Variants in MAP3K6 observed in about 807,000 individuals in gnomAD.
The protein encoded by MAP3K6 is mitogen-activated protein kinase kinase kinase 6, also known as apoptosis signal-regulating kinase 2.
In MAP3K6, 105 loss-of-function variants were observed where a neutral mutation model predicts 147.1. The ratio of observed to expected loss-of-function variants is 0.71; its 90% CI spans 0.61 to 0.84. MAP3K6 has a LOEUF of 0.84. MAP3K6 is among the 40% of genes least tolerant of loss of function. The probability of loss-of-function intolerance (pLI) is 0.00; values close to 1 mark genes in which losing one functional copy is unlikely to be tolerated. For missense variants in MAP3K6, 1,569 were observed against 1,715.0 expected, an observed-to-expected ratio of 0.91 and a Z score of 1.50; for synonymous variants, 695 against 732.4, an observed-to-expected ratio of 0.95 and a Z score of 0.82.
chr1:27,356,344 G>A, intron 26 of MAP3K6, 44 bp downstream of exon 26: 1 of 1,533,090 alleles, frequency 6.5e-7, no homozygotes, highest in Non-Finnish European at 8.8e-7. Context: ...GCTAGAAGCT[G>A]CCTTGAACCC....
In MAP3K6 at chr1:27,357,860, CA is replaced by C; in HGVS notation, c.2931del (p.Ala978ArgfsTer14). ...GTSQLRVPEE[P>X]AAEEPASPEE... ...TCCGGAGACGCAGGCTCCTCGGCCG[CA>C]GGCTCCTCGGGCACCCTGGGCACAA... is the stretch of plus-strand genomic sequence containing the variant. On this transcript the variant is annotated frameshift_variant, in exon 22 of 29. Transcript: ENST00000357582. LOFTEE classifies it high-confidence loss of function. The C allele has an allele frequency of 1.3e-6, 2 of 1,593,724 alleles. No individual in the cohort carries two copies. Among genetic ancestry groups the C allele is most frequent in the Non-Finnish European group, 1.7e-6 (2 of 1,174,582 alleles).
At position 27,360,553 on chromosome 1, in the gene MAP3K6, G is replaced by C; in HGVS notation, c.2054+152C>G. On this transcript the variant is annotated intron_variant, in intron 15 of 28. Coordinates refer to ENST00000357582, the MANE Select transcript of MAP3K6 (RefSeq NM_004672.5). The surrounding 1 kb of genome is among the most constrained non-coding windows in gnomAD (Gnocchi z 4.5). ...CAATCCCGCCCGCACGGTCCTGGCT[G>C]TTCCGCCCACGGGCCCAGTCCACAG... 1 of 1,389,680 alleles carries C rather than the reference G, an allele frequency of 7.2e-7. No individual in the cohort carries two copies. Among genetic ancestry groups the C allele is most frequent in the Non-Finnish European group, 9.5e-7 (1 of 1,047,124 alleles). The allele number at this position is 1,389,680 out of a possible 1,614,324, so 86.1% of individuals were successfully genotyped here. A position where few individuals can be genotyped will look rare whatever the true frequency, so the allele number is the denominator to read the frequency against.
chr1:27,355,981 C>G (rs1225183535), intron 27 of MAP3K6, 45 bp downstream of exon 27: 19 of 1,571,058 alleles, frequency 1.2e-5, no homozygotes, highest in Non-Finnish European at 1.7e-5. Context: ...GAGATGGAGG[C>G]TTTGGCTGGT....
intron 11 of MAP3K6, 41 bp from the exon 12 acceptor site, chr1:27,361,436 AG>A (rs1325707370): frequency 1.2e-6 from 2 of 1,612,224 alleles, no homozygotes; most frequent in African/African-American, 2.7e-5. Flanking sequence ...TGCTGGTGAC[AG>A]GAGAGGGGTC....
In MAP3K6 at chr1:27,356,463, GGTACTCCC is replaced by G; in HGVS notation, c.3554_3561del (p.Arg1185ProfsTer13). ...TGTAGAGCCCGCTGCACCAGGGCCT[GGTACTCCC>G]GTTCCTTCCCCGCCAGGATTTCGCG... is the stretch of plus-strand genomic sequence containing the variant. On this transcript the variant is annotated frameshift_variant, in exon 26 of 29. Transcript: ENST00000357582. LOFTEE classifies it high-confidence loss of function. 1 of 1,613,954 alleles carries G rather than the reference GGTACTCCC, an allele frequency of 6.2e-7. No homozygotes were observed.
Position 27,360,879 on chromosome 1 carries a change from C to G in MAP3K6, c.1921-41G>C, listed in dbSNP as rs765416483. The stretch of plus-strand genomic sequence containing the variant: ...TGAGATGGGAGTTCAGCAGGGCCCG[C>G]GGCCCCTCGCCCTCCGCGAGCTCCC... On this transcript the variant is annotated intron_variant, in intron 14 of 28. Coordinates refer to ENST00000357582, the MANE Select transcript of MAP3K6 (RefSeq NM_004672.5). This position sits in a 1 kb window ranked among gnomAD's most constrained non-coding sequence, Gnocchi z 4.5. The G allele has an allele frequency of 3.1e-6, 5 of 1,609,766 alleles. No individual in the cohort carries two copies. The highest frequency in any genetic ancestry group is 4.2e-6 in the Non-Finnish European group (5 of 1,178,132).
In MAP3K6 at chr1:27,363,991, G is replaced by C; in HGVS notation, c.790C>G (p.Arg264Gly). ...QLRQELARLQ[R>G]RLDSVELLSP... is the part of the protein sequence containing the mutation. ...AGCAGCTCCACGCTGTCCAGTCTCC[G>C]CTGCAGGCGAGCCAGCTCCTGCCGC... Residue 264 changes from arginine (R) to glycine (G), a missense_variant, in exon 5 of 29, where the codon CGG (arginine) becomes GGG (glycine). Coordinates refer to ENST00000357582, the MANE Select transcript of MAP3K6 (RefSeq NM_004672.5). 1 of 1,610,792 alleles carries C rather than the reference G, an allele frequency of 6.2e-7. No individual in the cohort carries two copies. The highest frequency in any genetic ancestry group is 8.5e-7 in the Non-Finnish European group (1 of 1,179,884).
At chr1:27,355,955 A>C in intron 27 of MAP3K6, 71 bp downstream of exon 27, 1 of 1,423,640 alleles carries the variant, frequency 7.0e-7, no homozygotes, top group African/African-American at 1.4e-5. Context: ...ACAGTAGAAG[A>C]GCAGGAAGAT....
At chr1:27,365,396 G>A (rs1361238703) in intron 1 of MAP3K6, among the ~76,000 whole-genome samples, 1 of 152,004 alleles carries the variant, frequency 6.6e-6, no homozygotes, top group Non-Finnish European at 1.5e-5. Context: ...CGTCTGCTAG[G>A]GCCTGCATGA....
At position 27,366,479 on chromosome 1, in the gene MAP3K6, G is replaced by T; in HGVS notation, c.119C>A (p.Ala40Glu). ...QLAAPPGRGC[A>E]RSRPLSVVYV... ...GACCACGCTGAGCGGCCGGCTCCGCGCGCAGCCCCGGCCCGGGGGCGCCGC... is the reference window on the plus strand; with the variant it reads ...GACCACGCTGAGCGGCCGGCTCCGCTCGCAGCCCCGGCCCGGGGGCGCCGC... The change falls in exon 1 of 29, where the codon GCG becomes GAG. Residue 40 changes from alanine (A) to glutamate (E), a missense_variant. Physicochemically the swap from Ala to Glu is moderately radical, Grantham distance 107. Coordinates refer to ENST00000357582, the MANE Select transcript of MAP3K6 (RefSeq NM_004672.5). This position sits in a 1 kb window ranked among gnomAD's most constrained non-coding sequence, Gnocchi z 5.5. The T allele has an allele frequency of 8.7e-7, 1 of 1,155,744 alleles. No homozygotes were observed. The highest frequency in any genetic ancestry group is 1.6e-5 in the African/African-American group (1 of 61,612). The allele number at this position is 1,155,744 out of a possible 1,614,324, so 71.6% of individuals were successfully genotyped here. A position where few individuals can be genotyped will look rare whatever the true frequency, so the allele number is the denominator to read the frequency against.
In MAP3K6 at chr1:27,361,106, C is replaced by A. The variant is rs373838761; in HGVS notation, c.1832+51G>T. On this transcript the variant is annotated intron_variant, in intron 13 of 28. Transcript: ENST00000357582. ...GTCGTCCCTTTCTTTCCCCCACTCC[C>A]CCCCGGGCATCCTGGCCCTCAGAGT... The A allele has an allele frequency of 1.2e-4, 186 of 1,550,482 alleles. No individual in the cohort carries two copies. The African/African-American group carries it at 2.2e-3, about 18-fold the overall frequency.
At position 27,362,173 on chromosome 1, in the gene MAP3K6, G is replaced by A; in HGVS notation, c.1333C>T (p.Leu445=). 2 of 1,613,692 alleles carry A rather than the reference G, an allele frequency of 1.2e-6. No homozygotes were observed. The highest frequency in any genetic ancestry group is 8.5e-7 in the Non-Finnish European group (1 of 1,179,990). ...TCATTGGCGAGGATCTGGGCTCCCA[G>A]GTAGAAACCCACATCCCAGTAATAC... The part of the protein sequence containing the change: ...MQYYWDVGFY[L]GAQILANDPT... The change falls in exon 9 of 29, where the codon CTG becomes TTG. Residue 445 remains leucine, a synonymous_variant. Transcript: ENST00000357582.
In MAP3K6 at chr1:27,358,607, C is replaced by T; in HGVS notation, c.2588G>A (p.Gly863Asp). ...GSPQAAMFQV[G>D]MYKVHPPMPS... is the part of the protein sequence containing the mutation. ...CATTGGCGGATGGACCTTGTACATA[C>T]CCACCTGTGGGGGGAGGGTGAACAA... is the stretch of plus-strand genomic sequence containing the variant. Residue 863 changes from glycine to aspartate, a missense_variant, in exon 20 of 29, where the codon GGT becomes GAT. Coordinates refer to ENST00000357582, the MANE Select transcript of MAP3K6 (RefSeq NM_004672.5). The surrounding 1 kb of genome is among the most constrained non-coding windows in gnomAD (Gnocchi z 6.2). The T allele has an allele frequency of 6.2e-7, 1 of 1,613,588 alleles. No individual in the cohort carries two copies. Among genetic ancestry groups the T allele is most frequent in the Non-Finnish European group, 8.5e-7 (1 of 1,179,832 alleles).
Position 27,357,726 on chromosome 1 carries a change from C to G in MAP3K6, c.3066G>C (p.Glu1022Asp). ...GGCCGCCCACCTGCTCTTGCTTCTG[C>G]TCCTGGTGCAGATTCTCCGCCAGCG... ...LPALAENLHQ[E>D]QKQEQGARLG... Residue 1022 changes from glutamate to aspartate, a missense_variant, in exon 22 of 29, where the codon GAG (glutamate) becomes GAC (aspartate). By Grantham distance (45) the Glu-to-Asp change is conservative. Transcript: ENST00000357582. The G allele has an allele frequency of 6.2e-7, 1 of 1,611,542 alleles. No individual in the cohort carries two copies. Among genetic ancestry groups the G allele is most frequent in the South Asian group, 1.1e-5 (1 of 91,012 alleles).
rs75893867 is a variant in MAP3K6, at chr1:27,358,224, G to T, written c.2872C>A (p.Pro958Thr). ...PQAPSQHPPS[P>T]PKRCLSYGGT... The stretch of plus-strand genomic sequence containing the variant: ...CCATAACTGAGGCAGCGCTTCGGGG[G>T]GCTGGGTGGGTGCTGAGAGGGTGCC... Residue 958 changes from proline (P) to threonine (T), a missense_variant, in exon 21 of 29, where the codon CCC becomes ACC. Coordinates refer to ENST00000357582, the MANE Select transcript of MAP3K6 (RefSeq NM_004672.5). This position sits in a 1 kb window ranked among gnomAD's most constrained non-coding sequence, Gnocchi z 6.2. 523 of 1,598,500 alleles carry T rather than the reference G, an allele frequency of 3.3e-4. 6 individuals carry two copies. The East Asian group carries it at 0.011, about 35-fold the overall frequency.
At position 27,362,845 on chromosome 1, in the gene MAP3K6, C is replaced by T. The variant is rs935149381; in HGVS notation, c.1142+6G>A. 6.2e-7 allele frequency: 1 copy of T among 1,613,764 alleles called. No individual in the cohort carries two copies. Among genetic ancestry groups the T allele is most frequent in the Non-Finnish European group, 8.5e-7 (1 of 1,179,870 alleles). ...TAGCCCACCGGCCACTCACTGTGCT[C>T]TTTACCAGTGATAGGCCTGCTCCCG... On this transcript the variant is annotated splice_donor_region_variant and intron_variant, in intron 7 of 28. Transcript: ENST00000357582.
At chr1:27,362,528 C>T in intron 8 of MAP3K6, 113 bp downstream of exon 8, 1 of 905,046 alleles carries the variant, frequency 1.1e-6, no homozygotes. Flanking sequence ...CAGGACAGTC[C>T]AAAATGGATG....
rs1375074603 is a variant in MAP3K6 at position 27,362,767 on chromosome 1, A to T, written c.1143-14T>A. 1 of 1,611,866 alleles carries T rather than the reference A, an allele frequency of 6.2e-7. No homozygotes were observed. Among genetic ancestry groups the T allele is most frequent in the Non-Finnish European group, 8.5e-7 (1 of 1,178,564 alleles). On this transcript the variant is annotated splice_polypyrimidine_tract_variant and intron_variant, in intron 7 of 28. Coordinates refer to ENST00000357582, the MANE Select transcript of MAP3K6 (RefSeq NM_004672.5). ...GCCTTGCGATACCTGGGGTGGGGGT[A>T]GGGGGCACAGGGCTGGACTGATGCC...
Position 27,361,974 on chromosome 1 carries a change from G to C in MAP3K6, c.1416-107C>G, listed in dbSNP as rs1049578903. ...AGAACGTTGGCATGGGGTGCCACGG[G>C]CACTGGTCTAAAAGCAGCCAGGTCA... On this transcript the variant is annotated intron_variant, in intron 9 of 28. Transcript: ENST00000357582. The C allele has an allele frequency of 6.1e-5, 92 of 1,511,422 alleles. No individual in the cohort carries two copies. In the African/African-American group the frequency reaches 1.1e-3, roughly 19 times the overall value. 93.6% of individuals were successfully genotyped at this position (1,511,422 alleles called of 1,614,324 possible).
Sources: gnomAD v4.1 joint callset for allele counts (sites outside exome capture counted in the v4.1 genomes callset) on GRCh38, gnomAD v4.1.1 for gene constraint, Gnocchi (gnomAD v3.1) non-coding constraint, MANE v1.5 for transcripts, NCBI Gene and HGNC (gene_info 2026-07-23, HGNC 2026-07-21) for gene names.